The following DAP3 variants were observed in gnomAD, a reference collection of about 807,000 sequenced individuals.
DAP3 encodes death associated protein 3, also known as small ribosomal subunit protein mS29.
DAP3 carries 28 observed loss-of-function variants against 51.9 expected under a neutral mutation model. That is an observed-to-expected ratio of 0.54 (90% confidence interval 0.40 to 0.74). The LOEUF (loss-of-function observed/expected upper bound fraction) is 0.74, where lower values mean the gene tolerates loss of function less well. Ranked by LOEUF, DAP3 falls within the 30% of genes least tolerant of loss-of-function variation. DAP3 has a pLI of 0.00. For synonymous variants in DAP3, 170 were observed against 170.3 expected (o/e 1.00, Z 0.01); for missense variants, 458 against 483.5 (o/e 0.95, Z 0.49).
chr1:155,706,395 A>G (rs2149137107), intron 1 of DAP3, among the ~76,000 whole-genome samples: 1 of 152,350 alleles, frequency 6.6e-6, no homozygotes, highest in East Asian at 1.9e-4. Flanking sequence ...ACAGAGCCTG[A>G]CACACAGTAG....
At chr1:155,697,449 G>A (rs1654678693) in intron 1 of DAP3, among the ~76,000 whole-genome samples, 1 of 152,158 alleles carries the variant, frequency 6.6e-6, no homozygotes, top group Non-Finnish European at 1.5e-5. Flanking sequence ...GAGAAATAAA[G>A]AGAAAGAGTG....
At chr1:155,730,124 A>T (rs1018938773) in intron 9 of DAP3, among the ~76,000 whole-genome samples, 1 of 135,238 alleles carries the variant, frequency 7.4e-6, no homozygotes, top group Non-Finnish European at 1.5e-5. Context: ...ATATATTTAT[A>T]TATACATATA....
At chr1:155,696,582 TC>T (rs1268254435) in intron 1 of DAP3, among the ~76,000 whole-genome samples, 6 of 152,332 alleles carry the variant, frequency 3.9e-5, no homozygotes, top group South Asian at 2.1e-4. Flanking sequence ...TTATAAGCAA[TC>T]CAGCATTTGT....
Position 155,724,032 on chromosome 1 carries a change from C to T in DAP3, c.271-1350C>T, listed in dbSNP as rs1179752061. Among the ~76,000 whole-genome samples, 4 of 138,404 alleles carry T rather than the reference C, an allele frequency of 2.9e-5. No individual in the cohort carries two copies. In the East Asian group the frequency reaches 8.1e-4, roughly 28 times the overall value. 90.8% of individuals were successfully genotyped at this position (138,404 alleles called of 152,430 possible). A position where few individuals can be genotyped will look rare whatever the true frequency, so the allele number is the denominator to read the frequency against. On this transcript the variant is annotated intron_variant, in intron 4 of 12. Transcript: ENST00000368336. ...CCAGCCTGTGCGACAGAGCGAGACT[C>T]TGTCTCAAAAAAAAAAAAAAAAAAT...
Position 155,689,610 on chromosome 1 carries a change from G to A in DAP3, c.-8+436G>A, listed in dbSNP as rs142777941. ...CAACTCCAAACATGCCTCCAGGGTT[G>A]GTGTGTGAAATAATAAGATAGGGCT... On this transcript the variant is annotated intron_variant, in intron 1 of 12. Coordinates refer to ENST00000368336, the MANE Select transcript of DAP3 (RefSeq NM_004632.4). 1,305 of 362,462 alleles carry A rather than the reference G, an allele frequency of 3.6e-3. 17 individuals carry two copies. Among genetic ancestry groups the A allele is most frequent in the African/African-American group, 0.026 (1,241 of 46,934 alleles). The allele number at this position is 362,462 out of a possible 1,614,324, so 22.5% of individuals were successfully genotyped here. A position where few individuals can be genotyped will look rare whatever the true frequency, so the allele number is the denominator to read the frequency against.
At chr1:155,688,359 C>A (rs560682572), upstream of DAP3, 29 of 1,547,622 alleles carry the variant, frequency 1.9e-5, no homozygotes, top group East Asian at 6.8e-4. Context: ...CGCGGCAGCT[C>A]CTCCAGAGGG....
chr1:155,712,162 C>T (rs1463362319), intron 2 of DAP3, among the ~76,000 whole-genome samples: 3 of 152,192 alleles, frequency 2.0e-5, no homozygotes, highest in African/African-American at 7.2e-5. Context: ...TTAACCATCA[C>T]GGTGATCTTC....
upstream of DAP3, chr1:155,688,072 G>A (rs1372135039): frequency 2.5e-6 from 4 of 1,579,936 alleles, no homozygotes; most frequent in Non-Finnish European, 3.5e-6. Flanking sequence ...TCTACTCACC[G>A]TGTCGGAGGC....
chr1:155,736,656 A>G (rs899765864), intron 11 of DAP3: 2 of 370,552 alleles, frequency 5.4e-6, no homozygotes, highest in African/African-American at 2.1e-5. Context: ...GGCTCAAGCA[A>G]TATGCCCATC....
chr1:155,729,160 CAA>C (rs1658937595), intron 8 of DAP3, 38 bp downstream of exon 8: 2 of 1,613,950 alleles, frequency 1.2e-6, no homozygotes, highest in African/African-American at 1.3e-5. Context: ...CATGCGATAA[CAA>C]GAGAAGGCCT....
intron 1 of DAP3, among the ~76,000 whole-genome samples, chr1:155,693,958 T>C (rs1248709117): frequency 7.2e-6 from 1 of 139,510 alleles, no homozygotes; most frequent in Non-Finnish European, 1.5e-5. Flanking sequence ...CAAAACTCCC[T>C]CTCAAAAAAA....
intron 1 of DAP3, among the ~76,000 whole-genome samples, chr1:155,699,755 A>C (rs545546222): frequency 6.6e-6 from 1 of 152,108 alleles, no homozygotes; most frequent in Admixed American, 6.5e-5. Context: ...CTAGGACCAC[A>C]GGCTCACACC....
At chr1:155,728,586 C>T (rs543597526) in intron 7 of DAP3, among the ~76,000 whole-genome samples, 6 of 149,660 alleles carry the variant, frequency 4.0e-5, no homozygotes, top group East Asian at 2.0e-4. Context: ...AGAGGTCAGG[C>T]GTGTGGCTCA....
intron 2 of DAP3, among the ~76,000 whole-genome samples, chr1:155,712,378 CA>C (rs1656816029): frequency 6.6e-6 from 1 of 152,004 alleles, no homozygotes; most frequent in Admixed American, 6.6e-5. Flanking sequence ...TTTGGGAGGC[CA>C]AGGCAGGCAG....
Position 155,690,954 on chromosome 1 carries a change from C to CT in DAP3, c.-8+1781dup, listed in dbSNP as rs1209119392. Among the ~76,000 whole-genome samples the CT allele has an allele frequency of 1.4e-5, 2 of 141,980 alleles. 1 individual carries two copies. The highest frequency in any genetic ancestry group is 6.4e-5 in the African/African-American group (2 of 31,460). 93.1% of individuals were successfully genotyped at this position (141,980 alleles called of 152,430 possible). A position where few individuals can be genotyped will look rare whatever the true frequency, so the allele number is the denominator to read the frequency against. On this transcript the variant is annotated intron_variant, in intron 1 of 12. Coordinates refer to ENST00000368336, the MANE Select transcript of DAP3 (RefSeq NM_004632.4). ...ACGGAGTCTCGCTCTGTCACCCAGG[C>CT]TGGAGTGCAGTGGCGCGATCTCGGC...
At position 155,689,102 on chromosome 1, in the gene DAP3, A is replaced by C. The variant is rs996270587; in HGVS notation, c.-80A>C. On this transcript the variant is annotated 5_prime_UTR_variant, in exon 1 of 13. Coordinates refer to ENST00000368336, the MANE Select transcript of DAP3 (RefSeq NM_004632.4). ...CCCGACCCTTTTTTGCAGTCTCAGG[A>C]CGGGCGCTTTGGAGCCGGCCCCAGG... is the stretch of plus-strand genomic sequence containing the variant. 1 of 1,337,282 alleles carries C rather than the reference A, an allele frequency of 7.5e-7. No homozygotes were observed. Among genetic ancestry groups the C allele is most frequent in the South Asian group, 1.3e-5 (1 of 78,886 alleles). 82.8% of individuals were successfully genotyped at this position (1,337,282 alleles called of 1,614,324 possible). A position where few individuals can be genotyped will look rare whatever the true frequency, so the allele number is the denominator to read the frequency against.
At chr1:155,688,693 C>G, upstream of DAP3, 1 of 1,525,278 alleles carries the variant, frequency 6.6e-7, no homozygotes, top group Non-Finnish European at 8.7e-7. Flanking sequence ...TCTCCACCTC[C>G]TCTTCTCTCC....
intron 4 of DAP3, among the ~76,000 whole-genome samples, chr1:155,722,598 T>G (rs968343763): frequency 9.9e-5 from 15 of 151,920 alleles, no homozygotes; most frequent in African/African-American, 3.6e-4. Flanking sequence ...CCTTCCACAC[T>G]GTGGAAGCTT....
At chr1:155,688,998 A>G, upstream of DAP3, 1 of 1,599,252 alleles carries the variant, frequency 6.3e-7, no homozygotes, top group East Asian at 2.3e-5. Flanking sequence ...GAGGGGATCG[A>G]GGGCGGCCTA....
Sources: allele counts gnomAD v4.1 joint callset (sites outside exome capture counted in the v4.1 genomes callset), GRCh38; gene constraint gnomAD v4.1.1; transcripts MANE v1.5; gene names NCBI Gene and HGNC (gene_info 2026-07-23, HGNC 2026-07-21).